Variants in SF3A1 observed in about 807,000 individuals in gnomAD.
The protein encoded by SF3A1 is SAP 114.
A neutral mutation model predicts 89.9 loss-of-function variants in SF3A1; 13 were observed. The observed-to-expected ratio is 0.14, with a 90% CI of 0.09 to 0.23. The LOEUF (loss-of-function observed/expected upper bound fraction) is 0.23. SF3A1 is among the 10% of genes least tolerant of loss of function. SF3A1 has a pLI of 1.00. For missense variants in SF3A1, 604 were observed against 1,022.1 expected (o/e 0.59, Z 5.58); for synonymous variants, 405 against 374.4 (o/e 1.08, Z -0.94).
intron 9 of SF3A1, 76 bp from the exon 10 acceptor site, chr22:30,339,327 C>T: frequency 7.6e-6 from 12 of 1,581,262 alleles, no homozygotes; most frequent in Middle Eastern, 1.9e-4. Context: ...AGCAGCTTTT[C>T]TGGTGTGCAG....
In SF3A1 at chr22:30,333,383, G is replaced by C. The variant is rs1930972154; in HGVS notation, c.*1211C>G. The stretch of plus-strand genomic sequence containing the variant: ...AAGGACTGCAAATAAAAGGCACTGG[G>C]AACTCTCAGGGGCCACACACATGTG... On this transcript the variant is annotated 3_prime_UTR_variant, in exon 16 of 16. Coordinates refer to ENST00000215793, the MANE Select transcript of SF3A1 (RefSeq NM_005877.6). The C allele has an allele frequency of 6.6e-6, 1 of 152,210 alleles. No individual in the cohort carries two copies. Among genetic ancestry groups the C allele is most frequent in the Admixed American group, 6.5e-5 (1 of 15,282 alleles). The allele number at this position is 152,210 out of a possible 1,614,324, so 9.4% of individuals were successfully genotyped here. A position where few individuals can be genotyped will look rare whatever the true frequency, so the allele number is the denominator to read the frequency against.
chr22:30,344,710 G>A (rs562125736), intron 4 of SF3A1, among the ~76,000 whole-genome samples: 71 of 152,342 alleles, frequency 4.7e-4, no homozygotes, highest in African/African-American at 1.6e-3. Flanking sequence ...TAGTTAGCAA[G>A]CATGTATTTC....
rs750350629 is a variant in SF3A1, at chr22:30,340,791, C to T, written c.1093G>A (p.Gly365Arg). The T allele has an allele frequency of 1.3e-5, 21 of 1,591,626 alleles. No homozygotes were observed. Among genetic ancestry groups the T allele is most frequent in the African/African-American group, 2.7e-5 (2 of 73,340 alleles). Residue 365 changes from glycine (G) to arginine (R), a missense_variant, in exon 8 of 16, where the codon GGG becomes AGG. Physicochemically the swap from Gly to Arg is moderately radical, Grantham distance 125. Transcript: ENST00000215793. ...MDEGSDDEEE[G>R]QKVPPPPETP... ...TCTGGGGGTGGGGGCACTTTCTGCC[C>T]TTCTTCTTCATCATCTGAACCCTGA...
rs1158921168 is a variant in SF3A1, at chr22:30,338,794, G to A, written c.1738C>T (p.Pro580Ser). The A allele has an allele frequency of 1.2e-6, 2 of 1,614,064 alleles. No individual in the cohort carries two copies. The highest frequency in any genetic ancestry group is 2.2e-5 in the South Asian group (2 of 91,066). Residue 580 changes from proline to serine, a missense_variant, in exon 11 of 16, where the codon CCC becomes TCC. By Grantham distance (74) the Pro-to-Ser change is moderately conservative. This residue lies in a region of SF3A1 where 85 missense variants were observed against 137.3 expected (regional missense o/e 0.62). Transcript: ENST00000215793. ...APPITSVPRP[P>S]TMPPPVRTTV... is the part of the protein sequence containing the mutation. ...CAGGGTAGATGCTGGCTTACTGTGG[G>A]TGGTCGGGGCACTGAAGTGATGGGT... is the stretch of plus-strand genomic sequence containing the variant.
At chr22:30,346,254 C>T in intron 3 of SF3A1, 58 bp downstream of exon 3, 1 of 1,162,638 alleles carries the variant, frequency 8.6e-7, no homozygotes, top group East Asian at 2.3e-5. Context: ...GTACTCCCTC[C>T]CTATCCCTGT....
At position 30,337,172 on chromosome 22, in the gene SF3A1, G is replaced by C. The variant is rs535345738; in HGVS notation, c.1960C>G (p.Pro654Ala). ...GGGACAGGTGCCACAGGTGGAGCAGGCACAAAGGCTGCAAAGACAAGAATA... is the reference window on the plus strand; with the variant it reads ...GGGACAGGTGCCACAGGTGGAGCAGCCACAAAGGCTGCAAAGACAAGAATA... ...PPMIVPTAFV[P>A]APPVAPVPAP... Residue 654 changes from proline to alanine, a missense_variant, in exon 13 of 16, where the codon CCT becomes GCT. Pro to Ala is a conservative substitution (Grantham distance 27, BLOSUM62 -1). Around this residue, in one of 9 missense-constraint regions of SF3A1, gnomAD observed 45 missense variants for 41.1 expected, o/e 1.09. Transcript: ENST00000215793. 52 of 1,609,910 alleles carry C rather than the reference G, an allele frequency of 3.2e-5. No individual in the cohort carries two copies. In the South Asian group the frequency reaches 4.0e-4, roughly 12 times the overall value.
intron 1 of SF3A1, among the ~76,000 whole-genome samples, chr22:30,355,102 G>C (rs902188683): frequency 6.6e-6 from 1 of 151,700 alleles, no homozygotes. Context: ...TTGGCTCATT[G>C]CAACTTCTGC....
In SF3A1 at chr22:30,332,175, C is replaced by A. The variant is rs1257014579; in HGVS notation, c.*2419G>T. ...ATATCCTAACATAACCCAATATAAC[C>A]ATTTAATATATTCTCTAATACAATA... is the stretch of plus-strand genomic sequence containing the variant. On this transcript the variant is annotated 3_prime_UTR_variant, in exon 16 of 16. Transcript: ENST00000215793. The A allele has an allele frequency of 6.6e-6, 1 of 152,064 alleles. No individual in the cohort carries two copies. The highest frequency in any genetic ancestry group is 1.5e-5 in the Non-Finnish European group (1 of 68,022). The allele number at this position is 152,064 out of a possible 1,614,324, so 9.4% of individuals were successfully genotyped here.
rs760729245 is a variant in SF3A1, at chr22:30,345,134, A to C, written c.450T>G (p.Phe150Leu). The change falls in exon 4 of 16, where the codon TTT becomes TTG. Residue 150 changes from phenylalanine to leucine, a missense_variant. By Grantham distance (22) the Phe-to-Leu change is conservative. This residue lies in a region of SF3A1 where 162 missense variants were observed against 229.2 expected (regional missense o/e 0.71). Transcript: ENST00000215793. ...TIVPKEPPPE[F>L]EFIADPPSIS... is the part of the protein sequence containing the mutation. ...TAGAGGGAGGATCAGCAATGAACTC[A>C]AACTCAGGAGGAGGCTCTTTGGGCA... 3.7e-6 allele frequency: 6 copies of C among 1,614,218 alleles called. No individual in the cohort carries two copies. The East Asian group carries it at 1.3e-4, about 36-fold the overall frequency.
At chr22:30,340,582 C>T (rs924754984) in intron 8 of SF3A1, 113 bp downstream of exon 8, 9 of 849,948 alleles carry the variant, frequency 1.1e-5, no homozygotes, top group Middle Eastern at 2.3e-4. Flanking sequence ...GCTTGCAATG[C>T]TTTTACAATA....
intron 15 of SF3A1, among the ~76,000 whole-genome samples, chr22:30,334,936 T>C (rs1931021401): frequency 6.6e-6 from 1 of 152,178 alleles, no homozygotes; most frequent in Admixed American, 6.5e-5. Context: ...CCCAAAAAGT[T>C]GGCCCCTCAC....
intron 3 of SF3A1, among the ~76,000 whole-genome samples, chr22:30,345,655 A>T (rs1321562507): frequency 3.3e-5 from 5 of 152,210 alleles, no homozygotes; most frequent in Non-Finnish European, 7.3e-5. Context: ...AGGTAGCCTG[A>T]GGTCCTAGGC....
chr22:30,350,473 C>T (rs1486562481), intron 2 of SF3A1, among the ~76,000 whole-genome samples: 1 of 152,042 alleles, frequency 6.6e-6, no homozygotes, highest in Non-Finnish European at 1.5e-5. Flanking sequence ...CAGAACGAGA[C>T]TCTGTCTCTA....
At chr22:30,341,327 G>A (rs966495082) in intron 7 of SF3A1, among the ~76,000 whole-genome samples, 8 of 152,188 alleles carry the variant, frequency 5.3e-5, no homozygotes, top group Middle Eastern at 3.2e-3. Flanking sequence ...GAAAGGAAGC[G>A]TGGGCTACAT....
intron 3 of SF3A1, 47 bp from the exon 4 acceptor site, chr22:30,345,237 G>A: frequency 6.4e-7 from 1 of 1,572,338 alleles, no homozygotes. Context: ...GGGTGAACAG[G>A]CTCCAGGGGA....
chr22:30,334,638 C>T lies in SF3A1; in HGVS notation c.2338G>A (p.Val780Ile). 1 of 1,585,094 alleles carries T rather than the reference C, an allele frequency of 6.3e-7. No individual in the cohort carries two copies. Among genetic ancestry groups the T allele is most frequent in the Non-Finnish European group, 8.5e-7 (1 of 1,169,884 alleles). Residue 780 changes from valine (V) to isoleucine (I), a missense_variant, in exon 16 of 16, where the codon GTC becomes ATC. By Grantham distance (29) the Val-to-Ile change is conservative. Transcript: ENST00000215793. ...CTCTCCTTGAGGGCCAGGTGGATGA[C>T]TGCGCCATTGGCCATGTTGTAGTAA... Reference protein sequence around the residue: ...LAYYNMANGAVIHLALKERGG... With the variant: ...LAYYNMANGAIIHLALKERGG...
At chr22:30,339,687 C>T (rs534169314) in intron 9 of SF3A1, among the ~76,000 whole-genome samples, 12 of 152,252 alleles carry the variant, frequency 7.9e-5, no homozygotes, top group South Asian at 6.2e-4. Context: ...ACGTGAGAGG[C>T]GGAAGTTGCA....
At chr22:30,351,865 T>C (rs1022728678) in intron 2 of SF3A1, among the ~76,000 whole-genome samples, 3 of 152,206 alleles carry the variant, frequency 2.0e-5, no homozygotes, top group Non-Finnish European at 4.4e-5. Flanking sequence ...AAACAAAACA[T>C]CTGTAGGCTG....
intron 4 of SF3A1, 105 bp from the exon 5 acceptor site, chr22:30,342,984 G>T: frequency 1.4e-6 from 1 of 695,630 alleles, no homozygotes; most frequent in Non-Finnish European, 2.5e-6. Flanking sequence ...GGAAGCATGG[G>T]ATTCTGTGTC....
Sources: gnomAD v4.1 joint callset for allele counts (sites outside exome capture counted in the v4.1 genomes callset) on GRCh38, gnomAD v4.1.1 for gene constraint, gnomAD v4.1.1 regional missense constraint, MANE v1.5 for transcripts, NCBI Gene and HGNC (gene_info 2026-07-23, HGNC 2026-07-21) for gene names.